The following CPEB3 variants were observed in gnomAD, a reference collection of about 807,000 sequenced individuals.
CPEB3 encodes the protein cytoplasmic polyadenylation element-binding protein 3.
A neutral mutation model predicts 67.2 loss-of-function variants in CPEB3; 20 were observed. The ratio of observed to expected loss-of-function variants is 0.30; its 90% confidence interval spans 0.21 to 0.43. CPEB3 has a LOEUF of 0.43. Among genes scored for constraint, CPEB3 ranks in the 20% least tolerant of loss-of-function variants. The pLI, the probability that CPEB3 is intolerant of heterozygous loss-of-function variation, is 1.00. For synonymous variants in CPEB3, 376 were observed against 393.1 expected, an observed-to-expected ratio of 0.96 and a Z score of 0.51; for missense variants, 746 against 968.6, an observed-to-expected ratio of 0.77 and a Z score of 3.05.
chr10:92,066,396 T>C lies in CPEB3; in HGVS notation c.1870-13957A>G, dbSNP rs564584855. ...AACAGCATCTCCAAAAATAAATAGATAGACAGATAGATAGATAAATAAATA... is the reference window on the plus strand; with the variant it reads ...AACAGCATCTCCAAAAATAAATAGACAGACAGATAGATAGATAAATAAATA... On this transcript the variant is annotated intron_variant, in intron 9 of 9. Transcript: ENST00000265997. Among the ~76,000 whole-genome samples the C allele has an allele frequency of 4.0e-5, 6 of 151,688 alleles. No individual in the cohort carries two copies. The South Asian group carries it at 6.2e-4, about 16-fold the overall frequency.
intron 2 of CPEB3, among the ~76,000 whole-genome samples, chr10:92,212,286 G>A (rs1396995301): frequency 6.8e-6 from 1 of 146,916 alleles, no homozygotes; most frequent in African/African-American, 2.5e-5. Flanking sequence ...ACAAGACAGT[G>A]TACAACAAGA....
intron 9 of CPEB3, among the ~76,000 whole-genome samples, chr10:92,066,390 AATAG>A (rs58902360): frequency 0.01 from 1,584 of 152,250 alleles, 19 homozygotes; most frequent in African/African-American, 0.036. Flanking sequence ...TCCAAAAATA[AATAG>A]ATAGACAGAT....
Position 92,127,909 on chromosome 10 carries a change from A to G in CPEB3, c.1453+15120T>C, listed in dbSNP as rs531477240. Among the ~76,000 whole-genome samples the G allele has an allele frequency of 1.5e-4, 20 of 133,814 alleles. 1 individual carries two copies. In the East Asian group the frequency reaches 3.7e-3, roughly 25 times the overall value. The allele number at this position is 133,814 out of a possible 152,430, so 87.8% of individuals were successfully genotyped here. On this transcript the variant is annotated intron_variant, in intron 6 of 9. Coordinates refer to ENST00000265997, the MANE Select transcript of CPEB3 (RefSeq NM_014912.5). The stretch of plus-strand genomic sequence containing the variant: ...CACTTCAAGTACAAGACTCATACCA[A>G]TGTGGCCCCTGGGTTCTTCAGGGGT...
At chr10:92,073,747 G>A (rs920124536) in intron 9 of CPEB3, among the ~76,000 whole-genome samples, 22 of 151,834 alleles carry the variant, frequency 1.4e-4, no homozygotes, top group African/African-American at 5.1e-4. Context: ...GATTATAGGT[G>A]CGAGGCCCTG....
chr10:92,060,760 A>C (rs1240005760), intron 9 of CPEB3, among the ~76,000 whole-genome samples: 1 of 152,224 alleles, frequency 6.6e-6, no homozygotes, highest in Admixed American at 6.5e-5. Flanking sequence ...GAATATGAAA[A>C]GGTGCTCAAC....
intron 4 of CPEB3, among the ~76,000 whole-genome samples, chr10:92,149,199 C>G (rs1299181355): frequency 6.6e-6 from 1 of 152,226 alleles, no homozygotes; most frequent in Non-Finnish European, 1.5e-5. Flanking sequence ...CTGTGCCCAG[C>G]TCTAATACTG....
chr10:92,234,427 A>C (rs1851428202), intron 2 of CPEB3, among the ~76,000 whole-genome samples: 1 of 152,232 alleles, frequency 6.6e-6, no homozygotes, highest in South Asian at 2.1e-4. Context: ...AAATTTTTTA[A>C]AAACACAGCT....
intron 2 of CPEB3, among the ~76,000 whole-genome samples, chr10:92,230,976 T>C (rs1235857571): frequency 1.3e-5 from 2 of 152,214 alleles, no homozygotes; most frequent in Non-Finnish European, 1.5e-5. Flanking sequence ...ATTAGACCTT[T>C]GATATCTCCA....
chr10:92,153,110 C>T (rs938157684), intron 4 of CPEB3, among the ~76,000 whole-genome samples: 7 of 152,144 alleles, frequency 4.6e-5, no homozygotes, highest in East Asian at 3.9e-4. Flanking sequence ...GAAAATTCTC[C>T]GATTCACGTC....
intron 6 of CPEB3, among the ~76,000 whole-genome samples, chr10:92,125,616 T>G (rs1275331271): frequency 1.3e-5 from 2 of 152,174 alleles, no homozygotes; most frequent in Non-Finnish European, 2.9e-5. Flanking sequence ...AGATGGAATA[T>G]TTTCCCAGTG....
chr10:92,143,174 A>C, intron 5 of CPEB3, 56 bp from the exon 6 acceptor site: 1 of 1,307,390 alleles, frequency 7.6e-7, no homozygotes, highest in Non-Finnish European at 1.1e-6. Context: ...CAATCAGAAA[A>C]CCAGAAGAGC....
At chr10:92,260,450 C>G (rs1194356260) in intron 1 of CPEB3, among the ~76,000 whole-genome samples, 1 of 150,294 alleles carries the variant, frequency 6.7e-6, no homozygotes, top group Non-Finnish European at 1.5e-5. Context: ...ACTCGGGAGG[C>G]TGAGACAGGA....
chr10:92,086,723 T>C (rs1168270516), intron 8 of CPEB3, among the ~76,000 whole-genome samples: 4 of 152,172 alleles, frequency 2.6e-5, no homozygotes, highest in South Asian at 2.1e-4. Flanking sequence ...CTGCTTAACA[T>C]TTAAGTTGGC....
At chr10:92,082,891 C>T (rs1843214422) in intron 8 of CPEB3, among the ~76,000 whole-genome samples, 1 of 152,160 alleles carries the variant, frequency 6.6e-6, no homozygotes, top group African/African-American at 2.4e-5. Flanking sequence ...CATAGTAGAT[C>T]TCCACAGGAA....
At chr10:92,212,930 A>T (rs963323651) in intron 2 of CPEB3, among the ~76,000 whole-genome samples, 5 of 152,132 alleles carry the variant, frequency 3.3e-5, no homozygotes, top group Non-Finnish European at 5.9e-5. Flanking sequence ...AATTTAAAAA[A>T]TTTCAAGTGT....
chr10:92,123,776 C>T (rs2133641262), intron 6 of CPEB3, among the ~76,000 whole-genome samples: 1 of 152,264 alleles, frequency 6.6e-6, no homozygotes, highest in Non-Finnish European at 1.5e-5. Flanking sequence ...TTCCTCTGAT[C>T]AGTTCTTAAT....
chr10:92,120,723 C>T (rs112131853), intron 6 of CPEB3, among the ~76,000 whole-genome samples: 5 of 151,544 alleles, frequency 3.3e-5, no homozygotes, highest in African/African-American at 1.2e-4. Context: ...TTTTTTGAGA[C>T]AGAGTCTTAC....
intron 2 of CPEB3, among the ~76,000 whole-genome samples, chr10:92,233,923 A>G (rs1851396668): frequency 6.6e-6 from 1 of 152,110 alleles, no homozygotes; most frequent in African/African-American, 2.4e-5. Flanking sequence ...CCTGGCCAAC[A>G]TAGTGAAACC....
At chr10:92,273,931 C>G (rs1416317147) in intron 1 of CPEB3, among the ~76,000 whole-genome samples, 1 of 152,194 alleles carries the variant, frequency 6.6e-6, no homozygotes, top group African/African-American at 2.4e-5. Flanking sequence ...CATGCAGCAA[C>G]TTCTTTTCCC....
Sources: allele counts gnomAD v4.1 joint callset (sites outside exome capture counted in the v4.1 genomes callset), GRCh38; gene constraint gnomAD v4.1.1; transcripts MANE v1.5; gene names NCBI Gene and HGNC (gene_info 2026-07-23, HGNC 2026-07-21).